Variants in ARID5B observed in about 807,000 individuals in gnomAD.
The protein encoded by ARID5B is AT-rich interactive domain-containing protein 5B.
Under a neutral mutation model 97.2 loss-of-function variants are expected in ARID5B, and 13 were observed. The observed-to-expected ratio is 0.13, with a 90% CI of 0.09 to 0.21. The LOEUF (loss-of-function observed/expected upper bound fraction) is 0.21, where lower values mean the gene tolerates loss of function less well. ARID5B is among the 10% of genes least tolerant of loss of function. ARID5B has a pLI of 1.00. For missense variants in ARID5B, 1,210 were observed against 1,465.3 expected, an observed-to-expected ratio of 0.83 and a Z score of 2.84; for synonymous variants, 556 against 570.3, an observed-to-expected ratio of 0.97 and a Z score of 0.36.
chr10:62,045,936 C>T (rs573087609), intron 4 of ARID5B, among the ~76,000 whole-genome samples: 3 of 152,328 alleles, frequency 2.0e-5, no homozygotes, highest in East Asian at 1.9e-4. Flanking sequence ...AACGCTCCGC[C>T]GACTTCTCTA....
chr10:62,013,583 C>T (rs759075435), intron 4 of ARID5B, among the ~76,000 whole-genome samples: 3 of 151,932 alleles, frequency 2.0e-5, no homozygotes, highest in South Asian at 4.2e-4. Flanking sequence ...CTCCCCAACT[C>T]CCCCAACTCC....
intron 3 of ARID5B, among the ~76,000 whole-genome samples, chr10:61,991,041 TAC>T (rs397802272): frequency 7.0e-4 from 102 of 145,146 alleles, no homozygotes; most frequent in East Asian, 1.6e-3. Flanking sequence ...ATTTATCCTG[TAC>T]ACACACACAC....
intron 4 of ARID5B, chr10:62,025,031 G>T (rs1162034535): frequency 2.2e-5 from 4 of 178,128 alleles, no homozygotes; most frequent in Non-Finnish European, 4.7e-5. Flanking sequence ...TGTTTTAAAA[G>T]GTGGGGAGGG....
chr10:61,937,833 C>T (rs1844332376), intron 2 of ARID5B, among the ~76,000 whole-genome samples: 1 of 152,126 alleles, frequency 6.6e-6, no homozygotes, highest in Admixed American at 6.6e-5. Context: ...TTTCCTGAGA[C>T]ATTTTCTATA....
chr10:61,985,824 T>C (rs1216022474), intron 3 of ARID5B, among the ~76,000 whole-genome samples: 3 of 152,074 alleles, frequency 2.0e-5, no homozygotes, highest in Non-Finnish European at 4.4e-5. Flanking sequence ...TGTCTTCACT[T>C]AGGCTGAAAT....
At chr10:62,028,447 T>C (rs1839450762) in intron 4 of ARID5B, among the ~76,000 whole-genome samples, 2 of 152,150 alleles carry the variant, frequency 1.3e-5, no homozygotes, top group Non-Finnish European at 2.9e-5. Context: ...TGTAGGGTAT[T>C]GAGGCCCACT....
At chr10:62,082,255 G>A (rs945728105) in intron 8 of ARID5B, among the ~76,000 whole-genome samples, 2 of 152,130 alleles carry the variant, frequency 1.3e-5, no homozygotes, top group Non-Finnish European at 2.9e-5. Context: ...TCGTAAATAA[G>A]CATTTTGCTA....
intron 2 of ARID5B, among the ~76,000 whole-genome samples, chr10:61,937,856 A>G (rs1844332952): frequency 6.6e-6 from 1 of 152,110 alleles, no homozygotes; most frequent in Admixed American, 6.6e-5. Flanking sequence ...TATGTTGGCT[A>G]CTTTTTGTTT....
chr10:62,077,221 A>G (rs1015496264), intron 8 of ARID5B, among the ~76,000 whole-genome samples: 33 of 152,228 alleles, frequency 2.2e-4, no homozygotes, highest in Admixed American at 3.9e-4. Context: ...CATAGTCTGT[A>G]TCACTCAGCA....
At chr10:61,939,001 GTGTC>G in intron 2 of ARID5B, among the ~76,000 whole-genome samples, 1 of 148,664 alleles carries the variant, frequency 6.7e-6, no homozygotes, top group African/African-American at 2.5e-5. Flanking sequence ...GTGTGTGTGT[GTGTC>G]GGTGGGGCAG....
chr10:62,091,042 G>A lies in ARID5B; in HGVS notation c.1579G>A (p.Glu527Lys). 6.2e-7 allele frequency: 1 copy of A among 1,614,116 alleles called. No individual in the cohort carries two copies. Among genetic ancestry groups the A allele is most frequent in the Non-Finnish European group, 8.5e-7 (1 of 1,180,008 alleles). ...DNETDQGSNS[E>K]KVAEEAGEKG... ...CGAAACAGACCAAGGTTCCAACAGT[G>A]AGAAGGTGGCAGAGGAGGCGGGAGA... is the stretch of plus-strand genomic sequence containing the variant. The change falls in exon 10 of 10, where the codon GAG (glutamate) becomes AAG (lysine). Residue 527 changes from glutamate (E) to lysine (K), a missense_variant. This residue lies in a region of ARID5B where 800 missense variants were observed against 839.1 expected (regional missense o/e 0.95). Transcript: ENST00000279873.
chr10:61,921,590 G>T (rs1240477324), intron 2 of ARID5B, among the ~76,000 whole-genome samples: 1 of 152,140 alleles, frequency 6.6e-6, no homozygotes, highest in African/African-American at 2.4e-5. Flanking sequence ...ATAACCTGAT[G>T]CTGGAAGTGA....
intron 7 of ARID5B, among the ~76,000 whole-genome samples, chr10:62,065,925 G>C (rs951565245): frequency 6.6e-6 from 1 of 150,976 alleles, no homozygotes; most frequent in African/African-American, 2.4e-5. Flanking sequence ...AGAAGGTCAG[G>C]TTGAAACACA....
At chr10:61,976,854 CTTTCT>C (rs958354978) in intron 3 of ARID5B, among the ~76,000 whole-genome samples, 10 of 84,248 alleles carry the variant, frequency 1.2e-4, no homozygotes, top group African/African-American at 4.4e-4. Flanking sequence ...GAGAAACTTT[CTTTCT>C]TTTTTTTTTT....
At chr10:62,026,580 A>C (rs1839423881) in intron 4 of ARID5B, among the ~76,000 whole-genome samples, 1 of 152,172 alleles carries the variant, frequency 6.6e-6, no homozygotes, top group Non-Finnish European at 1.5e-5. Flanking sequence ...AAAAAATTAT[A>C]TTTATTTCCT....
chr10:61,985,237 G>A (rs943122393), intron 3 of ARID5B, among the ~76,000 whole-genome samples: 13 of 151,092 alleles, frequency 8.6e-5, no homozygotes, highest in Non-Finnish European at 1.3e-4. Flanking sequence ...AAGTAATTGC[G>A]GTTTTTGCAA....
At chr10:62,085,374 T>C (rs1455128072) in intron 8 of ARID5B, among the ~76,000 whole-genome samples, 4 of 152,212 alleles carry the variant, frequency 2.6e-5, no homozygotes, top group Non-Finnish European at 2.9e-5. Context: ...GCTAGCATTA[T>C]TGTTGCAGTT....
At chr10:62,024,314 GA>G (rs1839392574) in intron 4 of ARID5B, among the ~76,000 whole-genome samples, 1 of 152,164 alleles carries the variant, frequency 6.6e-6, no homozygotes, top group Admixed American at 6.5e-5. Flanking sequence ...GAACTTAAGA[GA>G]CTCCTAATTT....
chr10:62,066,491 CAGA>C (rs1273338528), intron 7 of ARID5B, among the ~76,000 whole-genome samples: 145 of 152,266 alleles, frequency 9.5e-4, no homozygotes, highest in Non-Finnish European at 1.8e-3. Flanking sequence ...CTCGAAGGGC[CAGA>C]CCTGTCTTCA....
Sources: allele counts gnomAD v4.1 joint callset (sites outside exome capture counted in the v4.1 genomes callset), GRCh38; gene constraint gnomAD v4.1.1; regional missense constraint gnomAD v4.1.1; transcripts MANE v1.5; gene names NCBI Gene and HGNC (gene_info 2026-07-23, HGNC 2026-07-21).